Variants in CHD7 observed in about 807,000 individuals in gnomAD.
The protein encoded by CHD7 is ATP-dependent chromatin remodeler CHD7.
A neutral mutation model predicts 307.3 loss-of-function variants in CHD7; 24 were observed. The observed-to-expected ratio is 0.08, with a 90% CI of 0.06 to 0.11. The LOEUF is 0.11. Ranked by LOEUF, CHD7 falls within the 10% of genes least tolerant of loss-of-function variation. The probability of loss-of-function intolerance (pLI) is 1.00; values close to 1 mark genes in which losing one functional copy is unlikely to be tolerated. For synonymous variants in CHD7, 1,363 were observed against 1,349.9 expected (o/e 1.01, Z -0.21); for missense variants, 3,106 against 3,727.1 (o/e 0.83, Z 4.34).
intron 2 of CHD7, among the ~76,000 whole-genome samples, chr8:60,763,383 G>A (rs548641093): frequency 6.6e-6 from 1 of 152,212 alleles, no homozygotes; most frequent in East Asian, 1.9e-4. Flanking sequence ...CACATGGCTG[G>A]TGGCTGCCAC....
At chr8:60,709,226 G>A (rs1226462403) in intron 1 of CHD7, among the ~76,000 whole-genome samples, 1 of 152,126 alleles carries the variant, frequency 6.6e-6, no homozygotes, top group East Asian at 1.9e-4. Flanking sequence ...AATAACCCAG[G>A]TGCATTTGTG....
At chr8:60,774,996 T>C (rs2150654938) in intron 2 of CHD7, among the ~76,000 whole-genome samples, 1 of 152,204 alleles carries the variant, frequency 6.6e-6, no homozygotes, top group East Asian at 1.9e-4. Context: ...GGTTCATTAT[T>C]TCCATTGTTT....
At chr8:60,838,946 AC>A (rs1267508240) in intron 19 of CHD7, among the ~76,000 whole-genome samples, 1 of 152,220 alleles carries the variant, frequency 6.6e-6, no homozygotes. Context: ...AACTGACCAT[AC>A]AATTAACCTG....
intron 13 of CHD7, chr8:60,825,380 AATTATT>A (rs937819789): frequency 6.6e-6 from 1 of 152,224 alleles, no homozygotes; most frequent in African/African-American, 2.4e-5. Context: ...CTTCCTAATG[AATTATT>A]ATTAAAGCGA....
intron 6 of CHD7, among the ~76,000 whole-genome samples, chr8:60,805,231 C>G (rs892177021): frequency 2.0e-5 from 3 of 152,106 alleles, no homozygotes; most frequent in Non-Finnish European, 4.4e-5. Context: ...AATTCACACA[C>G]TTTTGTTCAA....
Position 60,741,560 on chromosome 8 carries a change from T to C in CHD7, c.128T>C (p.Ile43Thr), listed in dbSNP as rs1435948803. 6.2e-7 allele frequency: 1 copy of C among 1,613,596 alleles called. No homozygotes were observed. Among genetic ancestry groups the C allele is most frequent in the East Asian group, 2.2e-5 (1 of 44,870 alleles). The change falls in exon 2 of 38, where the codon ATA (isoleucine) becomes ACA (threonine). Residue 43 changes from isoleucine (I) to threonine (T), a missense_variant. Transcript: ENST00000423902. ...AATCCTATGGGTCAGCAAATGCCAA[T>C]AGACCAAGGCTTTGCCTCTTTACAG... ...PVNPMGQQMPIDQGFASLQPS... is the reference protein window; with the variant it reads ...PVNPMGQQMPTDQGFASLQPS...
In CHD7 at chr8:60,820,003, G is replaced by C; in HGVS notation, c.2614-4G>C. On this transcript the variant is annotated splice_polypyrimidine_tract_variant and splice_region_variant and intron_variant, in intron 8 of 37. Coordinates refer to ENST00000423902, the MANE Select transcript of CHD7 (RefSeq NM_017780.4). Reference sequence around the variant, plus strand: ...TTTAACTTTTTTTTTTCCCTTTGGTGTAGATTGAGGATGAGCTTTTTAATC... The same window carrying C: ...TTTAACTTTTTTTTTTCCCTTTGGTCTAGATTGAGGATGAGCTTTTTAATC... 1 of 1,592,348 alleles carries C rather than the reference G, an allele frequency of 6.3e-7. No homozygotes were observed. Among genetic ancestry groups the C allele is most frequent in the Non-Finnish European group, 8.6e-7 (1 of 1,164,726 alleles).
At chr8:60,756,543 T>G (rs1461156395) in intron 2 of CHD7, among the ~76,000 whole-genome samples, 1 of 152,164 alleles carries the variant, frequency 6.6e-6, no homozygotes, top group Non-Finnish European at 1.5e-5. Context: ...CCAGGCACGG[T>G]GGTGTGCACC....
chr8:60,780,792 T>C (rs1346148199), intron 2 of CHD7, among the ~76,000 whole-genome samples: 1 of 152,254 alleles, frequency 6.6e-6, no homozygotes, highest in Non-Finnish European at 1.5e-5. Flanking sequence ...AAGTGCTATT[T>C]TAAAACTTTC....
chr8:60,865,595 A>G lies in CHD7; in HGVS notation c.8656A>G (p.Asn2886Asp), dbSNP rs1163655041. The change falls in exon 38 of 38, where the codon AAC becomes GAC. Residue 2886 changes from asparagine (N) to aspartate (D), a missense_variant. Asn to Asp is a conservative substitution (Grantham distance 23). Around this residue, in one of 10 missense-constraint regions of CHD7, gnomAD observed 351 missense variants for 366.2 expected, o/e 0.96. Coordinates refer to ENST00000423902, the MANE Select transcript of CHD7 (RefSeq NM_017780.4). This position sits in a 1 kb window ranked among gnomAD's most constrained non-coding sequence, Gnocchi z 4.3. The stretch of plus-strand genomic sequence containing the variant: ...TACTGCCCCGGCTGGATTGCCCTCA[A>G]ACCCGCTAGCCTTCAACCCTTTCCT... ...AATAPAGLPS[N>D]PLAFNPFLLS... The G allele has an allele frequency of 1.9e-6, 3 of 1,613,986 alleles. No homozygotes were observed. In the South Asian group the frequency reaches 3.3e-5, roughly 18 times the overall value.
At chr8:60,686,744 C>A (rs148518568) in intron 1 of CHD7, among the ~76,000 whole-genome samples, 1 of 151,758 alleles carries the variant, frequency 6.6e-6, no homozygotes, top group East Asian at 1.9e-4. Flanking sequence ...CACCTCCTTT[C>A]CCTAGTATCC....
intron 1 of CHD7, among the ~76,000 whole-genome samples, chr8:60,705,458 A>G (rs1324233359): frequency 1.3e-5 from 2 of 152,206 alleles, no homozygotes; most frequent in Non-Finnish European, 2.9e-5. Context: ...GTTGGATTTC[A>G]TTGAAAATTG....
chr8:60,828,672 G>A lies in CHD7; in HGVS notation c.3388G>A (p.Val1130Met). 6.2e-7 allele frequency: 1 copy of A among 1,606,250 alleles called. No individual in the cohort carries two copies. The highest frequency in any genetic ancestry group is 2.2e-5 in the East Asian group (1 of 44,800). Residue 1130 changes from valine (V) to methionine (M), a missense_variant, in exon 14 of 38, where the codon GTG becomes ATG. By Grantham distance (21) the Val-to-Met change is conservative. Transcript: ENST00000423902. ...GLKMMDLEHKVLLTGTPLQNT... is the reference protein window; with the variant it reads ...GLKMMDLEHKMLLTGTPLQNT... ...CCTTGTGTTACCTCAGGAACACAAA[G>A]TGCTGCTGACGGGAACCCCACTCCA...
Position 60,830,456 on chromosome 8 carries a change from A to G in CHD7, c.3657A>G (p.Arg1219=). 6.2e-7 allele frequency: 1 copy of G among 1,614,018 alleles called. No homozygotes were observed. The highest frequency in any genetic ancestry group is 8.5e-7 in the Non-Finnish European group (1 of 1,179,884). ...CAAACATTCAGAAGAAATATTACCG[A>G]GCCATCCTTGAGAAGAATTTCACAT... ...ELTNIQKKYY[R]AILEKNFTFL... is the part of the protein sequence containing the mutation. The change falls in exon 15 of 38, where the codon CGA becomes CGG. Residue 1219 remains arginine (R), a synonymous_variant. Transcript: ENST00000423902.
In CHD7 at chr8:60,867,958, TTAAG is replaced by T. The variant is rs1352646801; in HGVS notation, c.*2029_*2032del. 6.6e-6 allele frequency: 1 copy of T among 151,136 alleles called. No homozygotes were observed. The highest frequency in any genetic ancestry group is 1.5e-5 in the Non-Finnish European group (1 of 68,024). The allele number at this position is 151,136 out of a possible 1,614,324, so 9.4% of individuals were successfully genotyped here. The stretch of plus-strand genomic sequence containing the variant: ...CATGAAGTATAGGAAATTTAAGTAT[TTAAG>T]TAACAAAGATGTTAGCAGGGAGAAT... On this transcript the variant is annotated 3_prime_UTR_variant, in exon 38 of 38. Coordinates refer to ENST00000423902, the MANE Select transcript of CHD7 (RefSeq NM_017780.4).
chr8:60,702,491 T>C (rs1006974557), intron 1 of CHD7, among the ~76,000 whole-genome samples: 1 of 152,188 alleles, frequency 6.6e-6, no homozygotes, highest in Non-Finnish European at 1.5e-5. Context: ...CTGGAATCTA[T>C]GTAGTCCCTT....
chr8:60,849,098 C>T lies in CHD7; in HGVS notation c.5348C>T (p.Ala1783Val). The T allele has an allele frequency of 6.2e-7, 1 of 1,613,666 alleles. No homozygotes were observed. Among genetic ancestry groups the T allele is most frequent in the Non-Finnish European group, 8.5e-7 (1 of 1,179,682 alleles). Residue 1783 changes from alanine (A) to valine (V), a missense_variant, in exon 25 of 38, where the codon GCA becomes GTA. Ala to Val is a moderately conservative substitution (Grantham distance 64, BLOSUM62 0). Around this residue, in one of 10 missense-constraint regions of CHD7, gnomAD observed 1,030 missense variants for 1,165.4 expected, o/e 0.88. Coordinates refer to ENST00000423902, the MANE Select transcript of CHD7 (RefSeq NM_017780.4). The stretch of plus-strand genomic sequence containing the variant: ...GAACCTTTCCATGCTGAAGTTCCTG[C>T]AGATTGGTGGGATAAGGAAGCAGAC... ...IPEPFHAEVP[A>V]DWWDKEADKS...
intron 34 of CHD7, among the ~76,000 whole-genome samples, chr8:60,858,821 G>C (rs562563369): frequency 6.6e-6 from 1 of 152,220 alleles, no homozygotes; most frequent in East Asian, 1.9e-4. Context: ...TGTTGCCCAG[G>C]CTGGTCTCAA....
At chr8:60,732,354 G>T (rs186150391) in intron 1 of CHD7, among the ~76,000 whole-genome samples, 111 of 152,348 alleles carry the variant, frequency 7.3e-4, no homozygotes, top group African/African-American at 2.5e-3. Flanking sequence ...TACAAGAGCA[G>T]CTAGCTGTTT....
Sources: gnomAD v4.1 joint callset for allele counts (sites outside exome capture counted in the v4.1 genomes callset) on GRCh38, gnomAD v4.1.1 for gene constraint, gnomAD v4.1.1 regional missense constraint, Gnocchi (gnomAD v3.1) non-coding constraint, MANE v1.5 for transcripts, NCBI Gene and HGNC (gene_info 2026-07-23, HGNC 2026-07-21) for gene names.